Variants in FLNA observed in about 807,000 individuals in gnomAD.
FLNA encodes the protein filamin A, also known as filamin-A.
In FLNA, 7 loss-of-function variants were observed where a neutral mutation model predicts 157.6. The ratio of observed to expected loss-of-function variants is 0.04; its 90% confidence interval spans 0.03 to 0.08. FLNA has a LOEUF of 0.08. FLNA is among the 10% of genes least tolerant of loss of function. The pLI is 1.00. For synonymous variants in FLNA, 1,103 were observed against 1,060.8 expected, an observed-to-expected ratio of 1.04 and a Z score of -0.77; for missense variants, 1,750 against 2,398.4, an observed-to-expected ratio of 0.73 and a Z score of 5.65.
At chrX:154,356,833 G>T (rs1292526637) in intron 30 of FLNA, among the ~76,000 whole-genome samples, 1 of 112,414 alleles carries the variant, frequency 8.9e-6, no homozygotes, top group Non-Finnish European at 1.9e-5. Flanking sequence ...AGGTGGGGAT[G>T]GGGGTCTGTG....
Position 154,358,510 on chromosome X carries a change from A to G in FLNA, c.4533T>C (p.Tyr1511=), listed in dbSNP as rs191786597. 103 of 1,208,173 alleles carry G rather than the reference A, an allele frequency of 8.5e-5. No individual in the cohort carries two copies. In the East Asian group the frequency reaches 2.9e-3, roughly 34 times the overall value. ...DNADGTQTVN[Y]VPSREGPYSI... is the part of the protein sequence containing the mutation. ...TGTAGGGCCCTTCTCGGCTGGGCAC[A>G]TAATTGACGGTCTGGGTGCCATCAG... Residue 1511 remains tyrosine (Y), a synonymous_variant, in exon 27 of 48, where the codon TAT becomes TAC. Transcript: ENST00000369850.
intron 44 of FLNA, chrX:154,350,638 T>C: frequency 2.5e-6 from 1 of 397,535 alleles, no homozygotes; most frequent in South Asian, 3.4e-5. Flanking sequence ...TGGCCGTGGC[T>C]GAAGGGCCGG....
chrX:154,363,808 A>C (rs2067732790), intron 15 of FLNA, among the ~76,000 whole-genome samples: 1 of 112,491 alleles, frequency 8.9e-6, no homozygotes, highest in Non-Finnish European at 1.9e-5. Context: ...GTGGTGAGCG[A>C]AAGAAGCCAG....
Position 154,359,172 on chromosome X carries a change from G to A in FLNA, c.4304-18C>T, listed in dbSNP as rs1557177420. Reference sequence around the variant, plus strand: ...AGGACTGCCTGAGGGTTGGGGCAAAGGGATGGCGGCTGTATGAGACAGGGT... The same window carrying A: ...AGGACTGCCTGAGGGTTGGGGCAAAAGGATGGCGGCTGTATGAGACAGGGT... On this transcript the variant is annotated intron_variant, in intron 25 of 47. Transcript: ENST00000369850. 5 of 1,211,298 alleles carry A rather than the reference G, an allele frequency of 4.1e-6. No homozygotes were observed. The highest frequency in any genetic ancestry group is 5.6e-6 in the Non-Finnish European group (5 of 895,428).
intron 42 of FLNA, 76 bp from the exon 43 acceptor site, chrX:154,351,772 C>T: frequency 2.6e-6 from 3 of 1,135,912 alleles, no homozygotes; most frequent in Non-Finnish European, 2.4e-6. Context: ...CTGGGTGGCC[C>T]TGTGACCTCA....
At chrX:154,365,049 G>T in intron 11 of FLNA, 87 bp downstream of exon 11, 1 of 1,202,211 alleles carries the variant, frequency 8.3e-7, no homozygotes. Context: ...AAGAGCCCAT[G>T]TGGCCCCTCA....
Position 154,352,393 on chromosome X carries a change from T to A in FLNA, c.6557A>T (p.His2186Leu), listed in dbSNP as rs1557175962. 2 of 1,212,090 alleles carry A rather than the reference T, an allele frequency of 1.7e-6. No homozygotes were observed. Among genetic ancestry groups the A allele is most frequent in the South Asian group, 1.8e-5 (1 of 57,067 alleles). The change falls in exon 41 of 48, where the codon CAT (histidine) becomes CTT (leucine). Residue 2186 changes from histidine (H) to leucine (L), a missense_variant. His to Leu is a moderately conservative substitution (Grantham distance 99). Around this residue, in one of 5 missense-constraint regions of FLNA, gnomAD observed 970 missense variants for 1,302.6 expected, o/e 0.74. Coordinates refer to ENST00000369850, the MANE Select transcript of FLNA (RefSeq NM_001110556.2). ...CTCCCCTTCCACGATCTCGGCCTCATGGGTCTTGCCCGATGGGCTGGTCAC... is the reference window on the plus strand; with the variant it reads ...CTCCCCTTCCACGATCTCGGCCTCAAGGGTCTTGCCCGATGGGCTGGTCAC... ...AQVTSPSGKT[H>L]EAEIVEGENH...
chrX:154,371,316 C>T lies in FLNA; in HGVS notation c.-71G>A. ...GGGGACGGCCCTTTAATTAAAGTCGCAGGCACCTAGGCGCGCGGGAGGCGA... is the reference window on the plus strand; with the variant it reads ...GGGGACGGCCCTTTAATTAAAGTCGTAGGCACCTAGGCGCGCGGGAGGCGA... On this transcript the variant is annotated 5_prime_UTR_variant, in exon 2 of 48. Coordinates refer to ENST00000369850, the MANE Select transcript of FLNA (RefSeq NM_001110556.2). The T allele has an allele frequency of 8.7e-7, 1 of 1,153,219 alleles. No individual in the cohort carries two copies. The highest frequency in any genetic ancestry group is 2.5e-5 in the Admixed American group (1 of 40,654).
chrX:154,361,076 A>AAAG (rs2067705186), intron 21 of FLNA, among the ~76,000 whole-genome samples: 3 of 89,026 alleles, frequency 3.4e-5, no homozygotes, highest in Non-Finnish European at 6.7e-5. Flanking sequence ...AAAAAAAAAA[A>AAAG]AAAGAAAGAA....
intron 2 of FLNA, among the ~76,000 whole-genome samples, chrX:154,370,644 CAGCCGGGGCGCAGCG>C (rs1557180123): frequency 8.8e-6 from 1 of 113,012 alleles, no homozygotes; most frequent in African/African-American, 3.2e-5. Flanking sequence ...GGGCGCCGGC[CAGCCGGGGCGCAGCG>C]GGCGGGGGCG....
At chrX:154,368,217 G>C in intron 2 of FLNA, 127 bp from the exon 3 acceptor site, 2 of 966,976 alleles carry the variant, frequency 2.1e-6, no homozygotes, top group East Asian at 3.1e-5. Context: ...CCCCCTCTTG[G>C]CCAGTGGTAG....
rs782579933 is a variant in FLNA at position 154,350,198 on chromosome X, G to C, written c.7166C>G (p.Ala2389Gly). Reference protein sequence around the residue: ...YVTEIDQDKYAVRFIPRENGV... With the variant: ...YVTEIDQDKYGVRFIPRENGV... ...ATTCTCCCGAGGGATGAAGCGCACA[G>C]CATACTTATCTGAGGAGCAGGGAGT... Residue 2389 changes from alanine (A) to glycine (G), a missense_variant, in exon 45 of 48, where the codon GCT becomes GGT. Ala to Gly is a moderately conservative substitution (Grantham distance 60). Coordinates refer to ENST00000369850, the MANE Select transcript of FLNA (RefSeq NM_001110556.2). The C allele has an allele frequency of 8.3e-7, 1 of 1,211,516 alleles. No individual in the cohort carries two copies. The highest frequency in any genetic ancestry group is 1.8e-5 in the South Asian group (1 of 57,057).
rs782437864 is a variant in FLNA at position 154,366,097 on chromosome X, G to A, written c.1356C>T (p.Gly452=). ...CAAACGTGACGTGCACGGTGTGGACGCCCTCCATGGTGGGCTGGTAGCTGC... is the reference window on the plus strand; with the variant it reads ...CAAACGTGACGTGCACGGTGTGGACACCCTCCATGGTGGGCTGGTAGCTGC... ...YRCSYQPTME[G]VHTVHVTFAG... The change falls in exon 9 of 48, where the codon GGC becomes GGT. Residue 452 remains glycine (G), a synonymous_variant. Coordinates refer to ENST00000369850, the MANE Select transcript of FLNA (RefSeq NM_001110556.2). 3.0e-5 allele frequency: 36 copies of A among 1,209,048 alleles called. No homozygotes were observed. The highest frequency in any genetic ancestry group is 8.7e-5 in the Admixed American group (4 of 45,997).
At position 154,353,290 on chromosome X, in the gene FLNA, G is replaced by A. The variant is rs368037797; in HGVS notation, c.6022+6C>T. 9 of 1,210,369 alleles carry A rather than the reference G, an allele frequency of 7.4e-6. No individual in the cohort carries two copies. The highest frequency in any genetic ancestry group is 7.0e-5 in the African/African-American group (4 of 57,441). On this transcript the variant is annotated splice_donor_region_variant and intron_variant, in intron 37 of 47. Transcript: ENST00000369850. ...TCTGAACCCCCTGGACCCTTCAGCCGCTTACCCACGTGGCCATTACGCAGC... is the reference window on the plus strand; with the variant it reads ...TCTGAACCCCCTGGACCCTTCAGCCACTTACCCACGTGGCCATTACGCAGC...
intron 11 of FLNA, 36 bp downstream of exon 11, chrX:154,365,100 G>GTGCA (rs1557178878): frequency 3.3e-6 from 4 of 1,209,433 alleles, no homozygotes; most frequent in African/African-American, 3.5e-5. Context: ...GAGGCAGAGT[G>GTGCA]TGCAGAGCTG....
At chrX:154,364,420 G>C in intron 13 of FLNA, 48 bp from the exon 14 acceptor site, 1 of 1,192,557 alleles carries the variant, frequency 8.4e-7, no homozygotes, top group Non-Finnish European at 1.1e-6. Flanking sequence ...CAGGCTGCCA[G>C]AGCTACAACC....
chrX:154,362,636 C>T (rs1557178331), intron 16 of FLNA, 25 bp downstream of exon 16: 1 of 1,211,026 alleles, frequency 8.3e-7, no homozygotes. Context: ...AGCCACCTGC[C>T]CTCCCACCCA....
rs1474350114 is a variant in FLNA, at chrX:154,349,153, G to A, written c.7757-117C>T. 7.0e-5 allele frequency: 59 copies of A among 848,803 alleles called. No individual in the cohort carries two copies. The African/African-American group carries it at 1.1e-3, about 16-fold the overall frequency. 70.0% of individuals were successfully genotyped at this position (848,803 alleles called of 1,213,427 possible). On this transcript the variant is annotated intron_variant, in intron 47 of 47. Coordinates refer to ENST00000369850, the MANE Select transcript of FLNA (RefSeq NM_001110556.2). ...GGTGACAGTTCTCTCTTCCTAAAGA[G>A]CTGCCAGCACCTCCCCAACCCAGGC... is the stretch of plus-strand genomic sequence containing the variant.
chrX:154,363,897 A>T, intron 15 of FLNA, 125 bp downstream of exon 15: 1 of 704,387 alleles, frequency 1.4e-6, no homozygotes, highest in Non-Finnish European at 2.3e-6. Flanking sequence ...AAAGCAGGTT[A>T]GTGGTCACCA....
Sources: allele counts gnomAD v4.1 joint callset (sites outside exome capture counted in the v4.1 genomes callset), GRCh38; gene constraint gnomAD v4.1.1; regional missense constraint gnomAD v4.1.1; transcripts MANE v1.5; gene names NCBI Gene and HGNC (gene_info 2026-07-23, HGNC 2026-07-21).